Variants in CNOT10 observed in about 807,000 individuals in gnomAD.
CNOT10 encodes the protein CCR4-NOT transcription complex subunit 10.
A neutral mutation model predicts 94.6 loss-of-function variants in CNOT10; 30 were observed. The observed-to-expected ratio is 0.32, with a 90% confidence interval of 0.24 to 0.43. The LOEUF (loss-of-function observed/expected upper bound fraction) is 0.43. Ranked by LOEUF, CNOT10 falls within the 20% of genes least tolerant of loss-of-function variation. The pLI, the probability that CNOT10 is intolerant of heterozygous loss-of-function variation, is 1.00. For synonymous variants in CNOT10, 289 were observed against 301.6 expected (o/e 0.96, Z 0.43); for missense variants, 759 against 877.2 (o/e 0.87, Z 1.70).
chr3:32,688,441 A>G lies in CNOT10; in HGVS notation c.22+2959A>G, dbSNP rs143995902. On this transcript the variant is annotated intron_variant, in intron 1 of 18. Transcript: ENST00000328834. ...TGGTGAAACCCCATCTACTAAAAATACAAAAATTAGCCAGGCATGCTGGCG... is the reference window on the plus strand; with the variant it reads ...TGGTGAAACCCCATCTACTAAAAATGCAAAAATTAGCCAGGCATGCTGGCG... 1.8e-3 allele frequency among the ~76,000 whole-genome samples: 281 copies of G among 152,002 alleles called. 1 individual carries two copies. The highest frequency in any genetic ancestry group is 6.6e-3 in the African/African-American group (272 of 41,460).
At chr3:32,766,003 ATTT>A (rs755221571) in intron 17 of CNOT10, among the ~76,000 whole-genome samples, 1 of 33,360 alleles carries the variant, frequency 3.0e-5, no homozygotes. Flanking sequence ...TATGCTTTTA[ATTT>A]TTTTTTTTTT....
chr3:32,741,342 A>G (rs1013675490), intron 13 of CNOT10, among the ~76,000 whole-genome samples: 1 of 846 alleles, frequency 1.2e-3, no homozygotes, highest in African/African-American at 5.1e-3. Flanking sequence ...GCTTTATTCC[A>G]TTCCAGTTTG....
At chr3:32,746,366 A>G (rs1442197658) in intron 13 of CNOT10, among the ~76,000 whole-genome samples, 3 of 152,334 alleles carry the variant, frequency 2.0e-5, no homozygotes, top group Non-Finnish European at 2.9e-5. Context: ...ATTGTAATAT[A>G]TAATGAAATA....
rs566876653 is a variant in CNOT10, at chr3:32,725,159, C to A, written c.863-291C>A. On this transcript the variant is annotated intron_variant, in intron 8 of 18. Transcript: ENST00000328834. Reference sequence around the variant, plus strand: ...AACCAGGGTAGGCAATATAGTGAGACCCTATTTTAAAAATTGTTTTAAAAA... The same window carrying A: ...AACCAGGGTAGGCAATATAGTGAGAACCTATTTTAAAAATTGTTTTAAAAA... 6.6e-5 allele frequency among the ~76,000 whole-genome samples: 10 copies of A among 151,854 alleles called. No homozygotes were observed. In the East Asian group the frequency reaches 1.9e-3, roughly 29 times the overall value.
intron 2 of CNOT10, 55 bp from the exon 3 acceptor site, chr3:32,704,756 G>A (rs1697534252): frequency 6.7e-7 from 1 of 1,492,388 alleles, no homozygotes; most frequent in Non-Finnish European, 9.0e-7. Context: ...ATGATATACT[G>A]TATTTAAAGC....
intron 4 of CNOT10, among the ~76,000 whole-genome samples, chr3:32,711,589 G>A (rs747345575): frequency 6.6e-6 from 1 of 152,160 alleles, no homozygotes; most frequent in Admixed American, 6.5e-5. Flanking sequence ...GACTGGGGAT[G>A]TTTTAAGTAA....
At chr3:32,725,131 C>T (rs1462737005) in intron 8 of CNOT10, among the ~76,000 whole-genome samples, 8 of 151,448 alleles carry the variant, frequency 5.3e-5, no homozygotes, top group Non-Finnish European at 1.2e-4. Flanking sequence ...CCCAGGAGTT[C>T]GAAACCAGGG....
chr3:32,687,293 G>A (rs6550151), intron 1 of CNOT10, among the ~76,000 whole-genome samples: 1 of 151,728 alleles, frequency 6.6e-6, no homozygotes, highest in African/African-American at 2.4e-5. Flanking sequence ...GTCGCCCCCC[G>A]CTTTTTTTAT....
At chr3:32,685,593 T>G in intron 1 of CNOT10, 111 bp downstream of exon 1, 7 of 1,213,816 alleles carry the variant, frequency 5.8e-6, no homozygotes, top group Middle Eastern at 2.2e-4. Context: ...GACTTGAATT[T>G]GGGCGTGCAT....
chr3:32,735,109 A>G (rs1699127505), intron 12 of CNOT10, 133 bp downstream of exon 12: 2 of 744,890 alleles, frequency 2.7e-6, no homozygotes, highest in Admixed American at 2.8e-5. Flanking sequence ...ACAAGAAAGG[A>G]AAGTATTTAT....
chr3:32,741,779 AAAAAC>A (rs1699479480), intron 13 of CNOT10, among the ~76,000 whole-genome samples: 1 of 151,506 alleles, frequency 6.6e-6, no homozygotes, highest in Non-Finnish European at 1.5e-5. Flanking sequence ...AAAAAAAAAA[AAAAAC>A]AGAAGAAAAG....
chr3:32,691,505 C>T (rs1026823929), intron 1 of CNOT10, among the ~76,000 whole-genome samples: 4 of 151,982 alleles, frequency 2.6e-5, no homozygotes, highest in African/African-American at 9.7e-5. Context: ...CGTGGTTTGA[C>T]CATGTTGGCC....
chr3:32,738,582 C>T (rs1230546601), intron 13 of CNOT10, among the ~76,000 whole-genome samples: 2 of 151,686 alleles, frequency 1.3e-5, no homozygotes, highest in Non-Finnish European at 2.9e-5. Flanking sequence ...CCTGCCTCAA[C>T]CTCCCGAGTA....
chr3:32,758,082 A>G (rs1424272026), intron 13 of CNOT10, among the ~76,000 whole-genome samples: 2 of 152,204 alleles, frequency 1.3e-5, no homozygotes, highest in East Asian at 3.8e-4. Context: ...GTTAATAAAG[A>G]AGCAATGTGA....
intron 1 of CNOT10, among the ~76,000 whole-genome samples, chr3:32,688,545 C>T (rs985626143): frequency 7.9e-5 from 12 of 151,510 alleles, no homozygotes; most frequent in South Asian, 2.1e-4. Context: ...TGCAGCAACC[C>T]GAGATCGCAC....
chr3:32,764,677 C>T lies in CNOT10; in HGVS notation c.1877-5C>T. ...TTCACCAGTGTCTACACTCTTTTTC[C>T]CCAGCTGGTAAGCGGGCCCCTCAGT... On this transcript the variant is annotated splice_region_variant and splice_polypyrimidine_tract_variant and intron_variant, in intron 16 of 18. Transcript: ENST00000328834. The T allele has an allele frequency of 6.2e-7, 1 of 1,612,764 alleles. No homozygotes were observed. The highest frequency in any genetic ancestry group is 8.5e-7 in the Non-Finnish European group (1 of 1,179,642).
rs1403854548 is a variant in CNOT10 at position 32,766,383 on chromosome 3, A to G, written c.2004+1574A>G. Among the ~76,000 whole-genome samples, 12 of 46,640 alleles carry G rather than the reference A, an allele frequency of 2.6e-4. 5 individuals are homozygous for G. The highest frequency in any genetic ancestry group is 5.7e-4 in the Non-Finnish European group (12 of 21,238). 30.6% of individuals were successfully genotyped at this position (46,640 alleles called of 152,430 possible). On this transcript the variant is annotated intron_variant, in intron 17 of 18. Transcript: ENST00000328834. ...CACGGTGGCTCATGCCTGTAATCCCAGCACTTTGGGAGGCCGAGGTGGGCG... is the reference window on the plus strand; with the variant it reads ...CACGGTGGCTCATGCCTGTAATCCCGGCACTTTGGGAGGCCGAGGTGGGCG...
chr3:32,702,664 G>T (rs117867903), intron 1 of CNOT10, among the ~76,000 whole-genome samples: 1 of 152,106 alleles, frequency 6.6e-6, no homozygotes, highest in African/African-American at 2.4e-5. Flanking sequence ...GCCATCGTAG[G>T]TGTGTTTATA....
intron 18 of CNOT10, 129 bp from the exon 19 acceptor site, chr3:32,773,328 T>C (rs1471877817): frequency 4.2e-6 from 4 of 945,962 alleles, no homozygotes; most frequent in African/African-American, 1.7e-5. Context: ...GATTCCAGTA[T>C]ACAGCCAAGG....
Sources: gnomAD v4.1 joint callset for allele counts (sites outside exome capture counted in the v4.1 genomes callset) on GRCh38, gnomAD v4.1.1 for gene constraint, MANE v1.5 for transcripts, NCBI Gene and HGNC (gene_info 2026-07-23, HGNC 2026-07-21) for gene names.